Variants in AMMECR1 observed in about 807,000 individuals in gnomAD.
The protein encoded by AMMECR1 is nuclear protein AMMECR1.
A neutral mutation model predicts 22.5 loss-of-function variants in AMMECR1; 3 were observed. That is an observed-to-expected ratio of 0.13 (90% CI 0.06 to 0.35). The LOEUF (loss-of-function observed/expected upper bound fraction) is 0.35, where lower values mean the gene tolerates loss of function less well. AMMECR1 is among the 10% of genes least tolerant of loss of function. The probability of loss-of-function intolerance (pLI) is 1.00; values close to 1 mark genes in which losing one functional copy is unlikely to be tolerated. For missense variants in AMMECR1, 235 were observed against 278.7 expected (o/e 0.84, Z 1.12); for synonymous variants, 130 against 116.7 (o/e 1.11, Z -0.74).
intron 2 of AMMECR1, among the ~76,000 whole-genome samples, chrX:110,390,772 T>C (rs1159284834): frequency 8.9e-6 from 1 of 112,247 alleles, no homozygotes; most frequent in Non-Finnish European, 1.9e-5. Context: ...GGTGAAATTG[T>C]TTTTTCATCT....
chrX:110,417,225 G>A (rs1421888838), intron 2 of AMMECR1, among the ~76,000 whole-genome samples: 1 of 112,034 alleles, frequency 8.9e-6, no homozygotes. Context: ...AGACAATGGC[G>A]GCTGCTCAGC....
chrX:110,347,033 A>G, intron 2 of AMMECR1: 1 of 442,511 alleles, frequency 2.3e-6, no homozygotes, highest in South Asian at 3.3e-5. Flanking sequence ...ATTCCTATAC[A>G]TTGATGATAC....
intron 1 of AMMECR1, among the ~76,000 whole-genome samples, chrX:110,281,121 G>T (rs1314740399): frequency 2.7e-5 from 3 of 112,361 alleles, no homozygotes; most frequent in Admixed American, 9.4e-5. Context: ...ATTGGTGGCA[G>T]CTGCTTTAAA....
At chrX:110,358,074 T>TA (rs750718845) in intron 2 of AMMECR1, among the ~76,000 whole-genome samples, 1 of 111,903 alleles carries the variant, frequency 8.9e-6, no homozygotes, top group African/African-American at 3.2e-5. Context: ...TTAATGAAAT[T>TA]AAAAATAAAA....
At chrX:110,227,936 G>A (rs1197537989) in intron 2 of AMMECR1, among the ~76,000 whole-genome samples, 1 of 112,062 alleles carries the variant, frequency 8.9e-6, no homozygotes, top group African/African-American at 3.2e-5. Flanking sequence ...GGGGGATCAG[G>A]AAGAAAAGTA....
At chrX:110,408,396 G>C (rs1194520739) in intron 2 of AMMECR1, among the ~76,000 whole-genome samples, 1 of 112,519 alleles carries the variant, frequency 8.9e-6, no homozygotes, top group Non-Finnish European at 1.9e-5. Context: ...GGGGATGCTA[G>C]ATGTTCTCCA....
chrX:110,373,871 G>A (rs1251377138), intron 2 of AMMECR1, among the ~76,000 whole-genome samples: 1 of 111,864 alleles, frequency 8.9e-6, no homozygotes, highest in African/African-American at 3.2e-5. Flanking sequence ...TAGCCCCAAT[G>A]AAATATTTAA....
chrX:110,262,628 G>T (rs2067747719), intron 2 of AMMECR1, among the ~76,000 whole-genome samples: 1 of 112,157 alleles, frequency 8.9e-6, no homozygotes, highest in South Asian at 3.6e-4. Context: ...ATTGGCAAAA[G>T]AATTTATTTT....
At chrX:110,209,366 C>T (rs913040513) in intron 3 of AMMECR1, among the ~76,000 whole-genome samples, 7 of 111,981 alleles carry the variant, frequency 6.3e-5, no homozygotes, top group African/African-American at 2.3e-4. Flanking sequence ...AAGCAAAATA[C>T]GTATTCATAA....
intron 2 of AMMECR1, among the ~76,000 whole-genome samples, chrX:110,232,654 G>A (rs1336163432): frequency 6.4e-5 from 7 of 109,919 alleles, no homozygotes; most frequent in Non-Finnish European, 1.1e-4. Context: ...ACTTTGGGAG[G>A]CCAAGGTGGG....
intron 1 of AMMECR1, among the ~76,000 whole-genome samples, chrX:110,431,119 T>A (rs1274653859): frequency 1.8e-5 from 2 of 112,130 alleles, no homozygotes; most frequent in African/African-American, 6.5e-5. Context: ...GGGGCTTTAT[T>A]TTCTATCTTT....
chrX:110,328,446 T>C (rs1427348441), intron 2 of AMMECR1, among the ~76,000 whole-genome samples: 1 of 107,745 alleles, frequency 9.3e-6, no homozygotes, highest in Non-Finnish European at 1.9e-5. Context: ...CTCTTTTTTT[T>C]TTTTTTAGAT....
chrX:110,236,650 T>C (rs1310448658), intron 2 of AMMECR1, among the ~76,000 whole-genome samples: 1 of 112,375 alleles, frequency 8.9e-6, no homozygotes, highest in Non-Finnish European at 1.9e-5. Context: ...AAATAAATAT[T>C]TAGTGAATGA....
At chrX:110,358,393 G>T (rs1407008556) in intron 2 of AMMECR1, among the ~76,000 whole-genome samples, 2 of 111,269 alleles carry the variant, frequency 1.8e-5, no homozygotes, top group Non-Finnish European at 3.8e-5. Flanking sequence ...ATAATCCTAG[G>T]AATTATTAAT....
In AMMECR1 at chrX:110,317,618, G is replaced by T; in HGVS notation, c.454C>A (p.Arg152=). Residue 152 remains arginine (R), a synonymous_variant, in exon 1 of 6, where the codon CGA becomes AGA. Transcript: ENST00000262844. ...LYGYQQPRTP[R]FTNEPYPLFV... is the part of the protein sequence containing the mutation. ...ACTCACTAGGGCTCGTTGGTGAATC[G>T]GGGGGTCCGGGGCTGCTGGTATCCA... 8.4e-7 allele frequency: 1 copy of T among 1,190,997 alleles called. No individual in the cohort carries two copies. The highest frequency in any genetic ancestry group is 1.1e-6 in the Non-Finnish European group (1 of 883,869).
At chrX:110,268,877 G>A (rs1262429459) in intron 1 of AMMECR1, among the ~76,000 whole-genome samples, 3 of 111,648 alleles carry the variant, frequency 2.7e-5, no homozygotes, top group Non-Finnish European at 5.6e-5. Flanking sequence ...AAATGCTTTT[G>A]CCATATGGTT....
chrX:110,359,856 A>C (rs2068251603), intron 2 of AMMECR1, among the ~76,000 whole-genome samples: 1 of 111,842 alleles, frequency 8.9e-6, no homozygotes, highest in Non-Finnish European at 1.9e-5. Flanking sequence ...AGCATCAAAG[A>C]CTGCTTTATC....
intron 2 of AMMECR1, among the ~76,000 whole-genome samples, chrX:110,417,917 C>T (rs1263885710): frequency 8.9e-6 from 1 of 112,518 alleles, no homozygotes; most frequent in Non-Finnish European, 1.9e-5. Flanking sequence ...TCCAGTCCAC[C>T]AGCCTGTACC....
chrX:110,347,922 C>G lies in AMMECR1; in HGVS notation c.-147-30073G>C, dbSNP rs775493437. ...CTTCTGATCTTTGTGAATACTTGCCCAGAATTCTGACACTTCCATTAGTAG... is the reference window on the plus strand; with the variant it reads ...CTTCTGATCTTTGTGAATACTTGCCGAGAATTCTGACACTTCCATTAGTAG... On this transcript the variant is annotated intron_variant, in intron 2 of 7. Transcript: ENST00000372057. 2.7e-5 allele frequency among the ~76,000 whole-genome samples: 3 copies of G among 112,497 alleles called. No homozygotes were observed. In the East Asian group the frequency reaches 8.3e-4, roughly 31 times the overall value.
Sources: allele counts gnomAD v4.1 joint callset (sites outside exome capture counted in the v4.1 genomes callset), GRCh38; gene constraint gnomAD v4.1.1; transcripts MANE v1.5; gene names NCBI Gene and HGNC (gene_info 2026-07-23, HGNC 2026-07-21).